UNC5C: variants seen among roughly 807,000 people sequenced by gnomAD.
UNC5C encodes the protein netrin receptor UNC5C.
A neutral mutation model predicts 99.8 loss-of-function variants in UNC5C; 47 were observed. That is an observed-to-expected ratio of 0.47 (90% CI 0.37 to 0.60). The LOEUF (loss-of-function observed/expected upper bound fraction) is 0.60. UNC5C is among the 20% of genes least tolerant of loss of function. UNC5C has a pLI of 0.00. For synonymous variants in UNC5C, 487 were observed against 452.2 expected (o/e 1.08, Z -0.98); for missense variants, 1,062 against 1,165.9 (o/e 0.91, Z 1.30).
chr4:95,373,756 T>C (rs1173481958), intron 1 of UNC5C, among the ~76,000 whole-genome samples: 1 of 152,192 alleles, frequency 6.6e-6, no homozygotes, highest in Non-Finnish European at 1.5e-5. Context: ...AAGACACTGA[T>C]TCATTTTACA....
intron 1 of UNC5C, among the ~76,000 whole-genome samples, chr4:95,402,258 A>G (rs1047860673): frequency 6.6e-6 from 1 of 152,112 alleles, no homozygotes; most frequent in East Asian, 1.9e-4. Flanking sequence ...AATGGCTGCT[A>G]CCCTATTTAT....
chr4:95,170,124 A>C (rs1279694806), intron 15 of UNC5C, 30 bp downstream of exon 15: 5 of 1,602,956 alleles, frequency 3.1e-6, no homozygotes, highest in Admixed American at 3.4e-5. Context: ...TAACAGAAAG[A>C]AGCTAGTCTT....
chr4:95,206,886 G>C, intron 10 of UNC5C, 90 bp from the exon 11 acceptor site: 1 of 636,256 alleles, frequency 1.6e-6, no homozygotes. Context: ...AGGTCAAGTA[G>C]TTTTCTCCTG....
intron 7 of UNC5C, among the ~76,000 whole-genome samples, chr4:95,236,020 G>A (rs1420420878): frequency 6.6e-6 from 1 of 152,214 alleles, no homozygotes; most frequent in East Asian, 1.9e-4. Context: ...GTGGAAGACA[G>A]TGTGGCGATT....
chr4:95,429,102 A>T (rs1238796778), intron 1 of UNC5C, among the ~76,000 whole-genome samples: 1 of 152,126 alleles, frequency 6.6e-6, no homozygotes, highest in African/African-American at 2.4e-5. Context: ...TTCACTACTC[A>T]GTAGACCAAA....
At chr4:95,518,512 A>C (rs545442469) in intron 1 of UNC5C, among the ~76,000 whole-genome samples, 160 of 152,322 alleles carry the variant, frequency 1.1e-3, no homozygotes, top group African/African-American at 3.6e-3. Context: ...ATTTATACAG[A>C]AAACTATCTG....
At position 95,400,384 on chromosome 4, in the gene UNC5C, C is replaced by CTTTTTTTTTTTTTT. The variant is rs1171870515; in HGVS notation, c.125-64767_125-64754dup. ...TTCCACAGCCACAGTGAGATGAATT[C>CTTTTTTTTTTTTTT]TTTTTTTTTTTTTTTTTTTTTTTTT... is the stretch of plus-strand genomic sequence containing the variant. On this transcript the variant is annotated intron_variant, in intron 1 of 15. Coordinates refer to ENST00000453304, the MANE Select transcript of UNC5C (RefSeq NM_003728.4). Among the ~76,000 whole-genome samples, 8 of 65,792 alleles carry CTTTTTTTTTTTTTT rather than the reference C, an allele frequency of 1.2e-4. 1 individual carries two copies. The highest frequency in any genetic ancestry group is 2.1e-4 in the Admixed American group (1 of 4,700). The allele number at this position is 65,792 out of a possible 152,430, so 43.2% of individuals were successfully genotyped here. A position where few individuals can be genotyped will look rare whatever the true frequency, so the allele number is the denominator to read the frequency against.
At chr4:95,308,859 C>T (rs1378590575) in intron 2 of UNC5C, among the ~76,000 whole-genome samples, 1 of 149,346 alleles carries the variant, frequency 6.7e-6, no homozygotes, top group Non-Finnish European at 1.5e-5. Flanking sequence ...TCATATTACC[C>T]AAAGTGGTCT....
intron 1 of UNC5C, among the ~76,000 whole-genome samples, chr4:95,367,941 C>G (rs1480435699): frequency 1.3e-5 from 2 of 152,084 alleles, no homozygotes; most frequent in Non-Finnish European, 2.9e-5. Context: ...ATTATCTTCC[C>G]TAGAAATGGC....
chr4:95,291,756 ATTAAT>A (rs1400692193), intron 3 of UNC5C, among the ~76,000 whole-genome samples: 2 of 152,128 alleles, frequency 1.3e-5, no homozygotes, highest in East Asian at 1.9e-4. Flanking sequence ...AAGAGTATTA[ATTAAT>A]TTATTGTTTA....
intron 12 of UNC5C, 112 bp downstream of exon 12, chr4:95,202,619 G>T (rs1239891320): frequency 2.9e-6 from 3 of 1,034,786 alleles, no homozygotes; most frequent in Non-Finnish European, 4.2e-6. Context: ...CCAAACACGT[G>T]TCCACACACT....
chr4:95,436,632 AG>A (rs1257993791), intron 1 of UNC5C, among the ~76,000 whole-genome samples: 1 of 151,962 alleles, frequency 6.6e-6, no homozygotes, highest in Non-Finnish European at 1.5e-5. Context: ...GGAGTAACTC[AG>A]GGAAAAATGA....
chr4:95,538,227 T>C (rs888324293), intron 1 of UNC5C, among the ~76,000 whole-genome samples: 5 of 152,358 alleles, frequency 3.3e-5, no homozygotes, highest in Middle Eastern at 3.4e-3. Flanking sequence ...AAAATTCCAA[T>C]GTACATTTAG....
At chr4:95,473,358 A>T (rs1748033672) in intron 1 of UNC5C, among the ~76,000 whole-genome samples, 1 of 152,124 alleles carries the variant, frequency 6.6e-6, no homozygotes, top group South Asian at 2.1e-4. Context: ...ACATCTGTGA[A>T]TGGAAAGCTT....
intron 1 of UNC5C, among the ~76,000 whole-genome samples, chr4:95,500,870 T>C (rs923186470): frequency 6.6e-6 from 1 of 152,136 alleles, no homozygotes; most frequent in Non-Finnish European, 1.5e-5. Context: ...TGGGTTTATG[T>C]ACAAATACCG....
intron 1 of UNC5C, among the ~76,000 whole-genome samples, chr4:95,349,059 G>T (rs1743886374): frequency 1.3e-5 from 2 of 151,506 alleles, no homozygotes; most frequent in South Asian, 4.2e-4. Flanking sequence ...GTATTTGATA[G>T]CAGAACAGGG....
intron 1 of UNC5C, among the ~76,000 whole-genome samples, chr4:95,338,777 G>A (rs917549991): frequency 1.3e-5 from 2 of 152,114 alleles, no homozygotes; most frequent in East Asian, 3.9e-4. Flanking sequence ...GATTCACAAG[G>A]AATTTTAGAG....
At chr4:95,451,438 T>C (rs899903151) in intron 1 of UNC5C, among the ~76,000 whole-genome samples, 2 of 152,172 alleles carry the variant, frequency 1.3e-5, no homozygotes, top group Non-Finnish European at 2.9e-5. Context: ...TCCAAATGCT[T>C]CAAAATGTAA....
At chr4:95,365,993 C>A (rs2149436856) in intron 1 of UNC5C, among the ~76,000 whole-genome samples, 1 of 151,672 alleles carries the variant, frequency 6.6e-6, no homozygotes, top group South Asian at 2.1e-4. Flanking sequence ...TGTTTTCTTC[C>A]ATTTGAAGAG....
Sources: gnomAD v4.1 joint callset for allele counts (sites outside exome capture counted in the v4.1 genomes callset) on GRCh38, gnomAD v4.1.1 for gene constraint, MANE v1.5 for transcripts, NCBI Gene and HGNC (gene_info 2026-07-23, HGNC 2026-07-21) for gene names.